Variants in CDK17 observed in about 807,000 individuals in gnomAD.
CDK17 encodes cyclin-dependent kinase 17.
Under a neutral mutation model 77.6 loss-of-function variants are expected in CDK17, and 24 were observed. The ratio of observed to expected loss-of-function variants is 0.31; its 90% CI spans 0.22 to 0.44. CDK17 has a LOEUF of 0.44. CDK17 is among the 20% of genes least tolerant of loss of function. The pLI, the probability that CDK17 is intolerant of heterozygous loss-of-function variation, is 1.00. For missense variants in CDK17, 429 were observed against 622.5 expected (o/e 0.69, Z 3.31); for synonymous variants, 203 against 210.4 (o/e 0.96, Z 0.30).
chr12:96,381,529 A>G (rs1230486531), intron 1 of CDK17, among the ~76,000 whole-genome samples: 5 of 152,142 alleles, frequency 3.3e-5, no homozygotes, highest in Non-Finnish European at 5.9e-5. Flanking sequence ...AGAGACTTCT[A>G]GTGAGCTGAA....
At chr12:96,281,078 C>T (rs1277739510) in intron 15 of CDK17, among the ~76,000 whole-genome samples, 193 bp from the exon 16 acceptor site, 1 of 152,174 alleles carries the variant, frequency 6.6e-6, no homozygotes, top group African/African-American at 2.4e-5. Context: ...AGCAATCCAC[C>T]TTTAGAACCT....
intron 2 of CDK17, among the ~76,000 whole-genome samples, chr12:96,331,284 T>C (rs1005311777): frequency 1.3e-5 from 2 of 152,150 alleles, no homozygotes; most frequent in Non-Finnish European, 2.9e-5. Context: ...TAAACACTTC[T>C]CAGTTAGTAA....
chr12:96,327,119 G>A (rs1040462200), intron 2 of CDK17, among the ~76,000 whole-genome samples: 1 of 152,144 alleles, frequency 6.6e-6, no homozygotes, highest in Non-Finnish European at 1.5e-5. Flanking sequence ...ACATGACACA[G>A]AACTATATTT....
intron 2 of CDK17, among the ~76,000 whole-genome samples, chr12:96,333,665 C>T (rs1953001671): frequency 1.6e-5 from 2 of 121,730 alleles, no homozygotes; most frequent in South Asian, 4.9e-4. Context: ...CAGAGCGAGA[C>T]TGTCTCAAAA....
At chr12:96,309,802 A>C (rs181622025) in intron 5 of CDK17, among the ~76,000 whole-genome samples, 1 of 152,336 alleles carries the variant, frequency 6.6e-6, no homozygotes, top group Admixed American at 6.5e-5. Flanking sequence ...ACCACTATCA[A>C]CTTGCTAGAA....
chr12:96,299,687 C>G (rs1247926014), intron 6 of CDK17, among the ~76,000 whole-genome samples: 1 of 152,226 alleles, frequency 6.6e-6, no homozygotes, highest in Non-Finnish European at 1.5e-5. Context: ...CCGCGCCCGG[C>G]AATCATAAAA....
At chr12:96,288,098 G>C (rs1952269680) in intron 11 of CDK17, among the ~76,000 whole-genome samples, 1 of 152,134 alleles carries the variant, frequency 6.6e-6, no homozygotes, top group South Asian at 2.1e-4. Context: ...TCTGGAGGTA[G>C]ATAGATAGTG....
At chr12:96,379,395 C>G (rs1953838603) in intron 1 of CDK17, among the ~76,000 whole-genome samples, 1 of 151,950 alleles carries the variant, frequency 6.6e-6, no homozygotes, top group Admixed American at 6.6e-5. Context: ...TATAGTTAAA[C>G]AAAAGCATCT....
intron 4 of CDK17, 61 bp downstream of exon 4, chr12:96,313,260 G>T: frequency 1.5e-6 from 2 of 1,320,948 alleles, no homozygotes; most frequent in Middle Eastern, 1.9e-4. Context: ...TGATATGTAT[G>T]TGTATTAACA....
At chr12:96,386,430 C>T (rs1953977468) in intron 1 of CDK17, among the ~76,000 whole-genome samples, 2 of 152,146 alleles carry the variant, frequency 1.3e-5, no homozygotes, top group Admixed American at 1.3e-4. Flanking sequence ...GGGAGGATCA[C>T]TTGAGCCCAG....
chr12:96,300,394 CTTTTTTT>C, intron 5 of CDK17, 34 bp from the exon 6 acceptor site: 1 of 924,820 alleles, frequency 1.1e-6, no homozygotes. Context: ...GTAGTATTTA[CTTTTTTT>C]TTTTTTTTTT....
chr12:96,389,175 A>G (rs560845704), intron 1 of CDK17, among the ~76,000 whole-genome samples: 3 of 148,116 alleles, frequency 2.0e-5, no homozygotes, highest in South Asian at 4.3e-4. Flanking sequence ...GGGTCTCCCT[A>G]TGTTGCCCAG....
At chr12:96,389,713 T>C (rs1954036414) in intron 1 of CDK17, among the ~76,000 whole-genome samples, 1 of 152,208 alleles carries the variant, frequency 6.6e-6, no homozygotes, top group Non-Finnish European at 1.5e-5. Context: ...GAAAATTCAT[T>C]TTAAATGTCA....
chr12:96,358,978 CTTTT>C (rs143122058), intron 1 of CDK17, among the ~76,000 whole-genome samples: 4 of 141,966 alleles, frequency 2.8e-5, no homozygotes, highest in Admixed American at 7.0e-5. Context: ...GGTCAGATGG[CTTTT>C]TTTTTTTTTT....
intron 9 of CDK17, 88 bp downstream of exon 9, chr12:96,297,182 A>G: frequency 1.4e-6 from 1 of 740,310 alleles, no homozygotes; most frequent in Non-Finnish European, 2.2e-6. Flanking sequence ...ACCCTGAAGA[A>G]GAGTTATGAG....
chr12:96,316,123 G>T (rs1339098025), intron 3 of CDK17, among the ~76,000 whole-genome samples: 2 of 152,170 alleles, frequency 1.3e-5, no homozygotes, highest in African/African-American at 4.8e-5. Flanking sequence ...CCGAAGCAGG[G>T]CGAGGCATTG....
At chr12:96,368,531 C>T (rs141387136) in intron 1 of CDK17, among the ~76,000 whole-genome samples, 16 of 152,230 alleles carry the variant, frequency 1.1e-4, no homozygotes, top group Middle Eastern at 3.4e-3. Context: ...CTCTGGGCAC[C>T]GTGCCTCCTA....
At chr12:96,300,802 T>G (rs976469310) in intron 5 of CDK17, among the ~76,000 whole-genome samples, 3 of 152,238 alleles carry the variant, frequency 2.0e-5, no homozygotes, top group African/African-American at 7.2e-5. Flanking sequence ...ATCAAATGGT[T>G]GAATATCTAT....
chr12:96,372,444 G>A (rs1953710195), intron 1 of CDK17, among the ~76,000 whole-genome samples: 1 of 152,086 alleles, frequency 6.6e-6, no homozygotes, highest in African/African-American at 2.4e-5. Context: ...GGGGTGGGAG[G>A]CACTCTAATC....
Sources: gnomAD v4.1 joint callset for allele counts (sites outside exome capture counted in the v4.1 genomes callset) on GRCh38, gnomAD v4.1.1 for gene constraint, MANE v1.5 for transcripts, NCBI Gene and HGNC (gene_info 2026-07-23, HGNC 2026-07-21) for gene names.